Variants in PIEZO1 observed in about 807,000 individuals in gnomAD.
PIEZO1 encodes piezo-type mechanosensitive ion channel component 1.
In PIEZO1, 296 loss-of-function variants were observed where a neutral mutation model predicts 297.2. The observed-to-expected ratio is 1.00, with a 90% CI of 0.91 to 1.10. PIEZO1 has a LOEUF of 1.10. Ranked by LOEUF, PIEZO1 falls within the 50% of genes least tolerant of loss-of-function variation. PIEZO1 has a pLI of 0.00. For synonymous variants in PIEZO1, 2,427 were observed against 1,507.5 expected (o/e 1.61, Z -14.13); for missense variants, 5,018 against 3,455.5 (o/e 1.45, Z -11.34).
chr16:88,764,751 C>CAA (rs532714692), intron 1 of PIEZO1, among the ~76,000 whole-genome samples: 194 of 90,398 alleles, frequency 2.1e-3, no homozygotes, highest in Non-Finnish European at 3.5e-3. Flanking sequence ...AACTCCGTCT[C>CAA]AAAAAAAAAA....
At chr16:88,747,228 C>T (rs1274909993) in intron 2 of PIEZO1, among the ~76,000 whole-genome samples, 3 of 138,036 alleles carry the variant, frequency 2.2e-5, no homozygotes, top group African/African-American at 5.3e-5. Context: ...AAGACCCCCA[C>T]TCGAAAAAAA....
At chr16:88,770,379 G>A (rs1055864552) in intron 1 of PIEZO1, among the ~76,000 whole-genome samples, 2 of 152,174 alleles carry the variant, frequency 1.3e-5, no homozygotes, top group Non-Finnish European at 2.9e-5. Flanking sequence ...GAGCTGGCTC[G>A]ACCTTTAGGA....
rs772748505 is a variant in PIEZO1 at position 88,715,740 on chromosome 16, G to A, written c.7431C>T (p.Ile2477=). 1.7e-5 allele frequency: 27 copies of A among 1,550,492 alleles called. No homozygotes were observed. The highest frequency in any genetic ancestry group is 1.2e-4 in the Admixed American group (6 of 51,012). The change falls in exon 51 of 51, where the codon ATC becomes ATT. Residue 2477 remains isoleucine (I), a synonymous_variant. Transcript: ENST00000301015. The part of the protein sequence containing the change: ...MFEELPCVDR[I]LKLCQDIFLV... ...GGAAGATGTCCTGGCAGAGCTTGAG[G>A]ATGCGGTCCACGCACGGCAGCTCCT...
chr16:88,736,191 C>G lies in PIEZO1; in HGVS notation c.1514G>C (p.Gly505Ala). 6.5e-7 allele frequency: 1 copy of G among 1,549,352 alleles called. No individual in the cohort carries two copies. Among genetic ancestry groups the G allele is most frequent in the Non-Finnish European group, 8.7e-7 (1 of 1,146,628 alleles). The change falls in exon 12 of 51, where the codon GGG (glycine) becomes GCG (alanine). Residue 505 changes from glycine (G) to alanine (A), a missense_variant. Gly to Ala is a moderately conservative substitution (Grantham distance 60). Transcript: ENST00000301015. ...ACAGGGGTAGCGGGTGTGCTCCAGC[C>G]CCAGCTGGCGCAGGCTGACGGGGCC... is the stretch of plus-strand genomic sequence containing the variant. ...TLGPVSLRQL[G>A]LEHTRYPCLD... is the part of the protein sequence containing the mutation.
chr16:88,766,365 G>A (rs951289730), intron 1 of PIEZO1, among the ~76,000 whole-genome samples: 6 of 152,068 alleles, frequency 3.9e-5, no homozygotes, highest in East Asian at 1.9e-4. Context: ...CAGCCAGCGC[G>A]CCCTGCGAAC....
At chr16:88,753,582 C>T (rs1236126803) in intron 1 of PIEZO1, among the ~76,000 whole-genome samples, 1 of 152,068 alleles carries the variant, frequency 6.6e-6, no homozygotes, top group Non-Finnish European at 1.5e-5. Flanking sequence ...CTCCAATGCC[C>T]CCATTTTCAG....
At chr16:88,732,049 G>T (rs775928653) in intron 21 of PIEZO1, 139 bp from the exon 22 acceptor site, 2 of 353,476 alleles carry the variant, frequency 5.7e-6, no homozygotes, top group Admixed American at 5.0e-5. Flanking sequence ...GGCCAGCGGC[G>T]CTGTCAAGAG....
chr16:88,779,017 A>G (rs1907805446), intron 1 of PIEZO1, among the ~76,000 whole-genome samples: 1 of 149,834 alleles, frequency 6.7e-6, no homozygotes, highest in African/African-American at 2.5e-5. Flanking sequence ...AAGGGAATTT[A>G]ATCTGATTTA....
intron 25 of PIEZO1, 29 bp downstream of exon 25, chr16:88,726,686 C>T (rs1271590914): frequency 3.8e-5 from 55 of 1,460,684 alleles, no homozygotes; most frequent in South Asian, 1.4e-4. Flanking sequence ...GGCCCCAGGG[C>T]GGTGGGTGCG....
intron 1 of PIEZO1, among the ~76,000 whole-genome samples, chr16:88,768,224 G>C (rs1257042204): frequency 1.3e-5 from 2 of 152,334 alleles, no homozygotes; most frequent in Non-Finnish European, 2.9e-5. Context: ...CACACTGCCT[G>C]GGCCTCGCAG....
chr16:88,763,914 G>A lies in PIEZO1; in HGVS notation c.65-14435C>T, dbSNP rs114013995. Among the ~76,000 whole-genome samples the A allele has an allele frequency of 8.8e-3, 1,338 of 152,320 alleles. 18 individuals carry two copies. Among genetic ancestry groups the A allele is most frequent in the African/African-American group, 0.03 (1,264 of 41,580 alleles). On this transcript the variant is annotated intron_variant, in intron 1 of 50. Transcript: ENST00000301015. The stretch of plus-strand genomic sequence containing the variant: ...AGGCCGTCACAGCCATCCTGCCCCA[G>A]GCACACCTGTACACCTGCACACAGG...
chr16:88,750,486 G>A (rs78478260), intron 1 of PIEZO1, among the ~76,000 whole-genome samples: 16,286 of 152,274 alleles, frequency 0.11, 1,160 homozygotes, highest in Non-Finnish European at 0.17. Context: ...ACCATGTCCC[G>A]TGTCTGCCCT....
At chr16:88,724,478 C>A (rs1567664283) in intron 30 of PIEZO1, among the ~76,000 whole-genome samples, 1 of 151,554 alleles carries the variant, frequency 6.6e-6, no homozygotes, top group Non-Finnish European at 1.5e-5. Flanking sequence ...TTGTAGTGAG[C>A]CGCAATCACG....
At chr16:88,728,636 A>C (rs34448153) in intron 22 of PIEZO1, among the ~76,000 whole-genome samples, 62 of 36,316 alleles carry the variant, frequency 1.7e-3, no homozygotes, top group Non-Finnish European at 2.1e-3. Context: ...ACCTCGCGAC[A>C]CAAAAACAAA....
chr16:88,722,367 G>C lies in PIEZO1; in HGVS notation c.4806C>G (p.Ser1602Arg). 1 of 1,522,834 alleles carries C rather than the reference G, an allele frequency of 6.6e-7. No homozygotes were observed. The highest frequency in any genetic ancestry group is 8.8e-7 in the Non-Finnish European group (1 of 1,132,262). 94.3% of individuals were successfully genotyped at this position (1,522,834 alleles called of 1,614,324 possible). The change falls in exon 36 of 51, where the codon AGC (serine) becomes AGG (arginine). Residue 1602 changes from serine to arginine, a missense_variant. Physicochemically the swap from Ser to Arg is moderately radical, Grantham distance 110. Coordinates refer to ENST00000301015, the MANE Select transcript of PIEZO1 (RefSeq NM_001142864.4). ...SGLGAEEPLS[S>R]MTDDMGSPLS... is the part of the protein sequence containing the mutation. ...GGGGGCTGCCCATGTCGTCTGTCATGCTGCTGAGTGGCTCCTCCGCGCCCA... is the reference window on the plus strand; with the variant it reads ...GGGGGCTGCCCATGTCGTCTGTCATCCTGCTGAGTGGCTCCTCCGCGCCCA...
Position 88,715,587 on chromosome 16 carries a change from G to A in PIEZO1, c.*18C>T, listed in dbSNP as rs545941884. ...CCAGCAGGCCGGCTCCTTCCCTCTCGGGCGCCAGCAGCAGCTCCTACTCCT... is the reference window on the plus strand; with the variant it reads ...CCAGCAGGCCGGCTCCTTCCCTCTCAGGCGCCAGCAGCAGCTCCTACTCCT... On this transcript the variant is annotated 3_prime_UTR_variant, in exon 51 of 51. Coordinates refer to ENST00000301015, the MANE Select transcript of PIEZO1 (RefSeq NM_001142864.4). 95 of 1,545,842 alleles carry A rather than the reference G, an allele frequency of 6.1e-5. No homozygotes were observed. In the African/African-American group the frequency reaches 6.2e-4, roughly 10 times the overall value.
intron 44 of PIEZO1, chr16:88,719,358 A>T: frequency 1.8e-6 from 1 of 566,366 alleles, no homozygotes; most frequent in South Asian, 2.0e-5. Flanking sequence ...AACAGGACCA[A>T]CTCCGCTGCC....
At position 88,724,190 on chromosome 16, in the gene PIEZO1, C is replaced by G. The variant is rs116025586; in HGVS notation, c.4235-219G>C. 8.6e-3 allele frequency among the ~76,000 whole-genome samples: 1,309 copies of G among 152,248 alleles called. 21 individuals carry two copies. The highest frequency in any genetic ancestry group is 0.029 in the African/African-American group (1,216 of 41,530). ...GCGCGGGCTGGGGTGCAGAGTGGGC[C>G]GACTGCAGAGGACCGGGGAAAACCC... On this transcript the variant is annotated intron_variant, in intron 30 of 50. Coordinates refer to ENST00000301015, the MANE Select transcript of PIEZO1 (RefSeq NM_001142864.4).
intron 44 of PIEZO1, chr16:88,718,592 A>G (rs183085111): frequency 2.6e-5 from 4 of 152,416 alleles, no homozygotes; most frequent in Non-Finnish European, 5.9e-5. Context: ...ACGCTGTCTG[A>G]GCCTGTTTTC....
Sources: gnomAD v4.1 joint callset for allele counts (sites outside exome capture counted in the v4.1 genomes callset) on GRCh38, gnomAD v4.1.1 for gene constraint, MANE v1.5 for transcripts, NCBI Gene and HGNC (gene_info 2026-07-23, HGNC 2026-07-21) for gene names.